DOCK2: variants seen among roughly 807,000 people sequenced by gnomAD.
DOCK2 encodes dedicator of cytokinesis protein 2.
Under a neutral mutation model 248.9 loss-of-function variants are expected in DOCK2, and 87 were observed. The ratio of observed to expected loss-of-function variants is 0.35; its 90% CI spans 0.29 to 0.42. The LOEUF is 0.42. Ranked by LOEUF, DOCK2 falls within the 10% of genes least tolerant of loss-of-function variation. DOCK2 has a pLI of 1.00. For missense variants in DOCK2, 1,747 were observed against 2,300.2 expected (o/e 0.76, Z 4.92); for synonymous variants, 805 against 821.6 (o/e 0.98, Z 0.35).
Position 169,962,184 on chromosome 5 carries a change from G to C in DOCK2, c.2800-20884G>C, listed in dbSNP as rs867678369. ...AAAAGTCTACTCTGGTTGCTCCCTG[G>C]AGGGGAGGGAGCAAGATTGGAGGCA... On this transcript the variant is annotated intron_variant, in intron 27 of 51. Coordinates refer to ENST00000520908, the MANE Select transcript of DOCK2 (RefSeq NM_004946.3). 3.3e-5 allele frequency among the ~76,000 whole-genome samples: 5 copies of C among 152,132 alleles called. No individual in the cohort carries two copies. In the Middle Eastern group the frequency reaches 0.01, roughly 310 times the overall value.
At chr5:169,876,241 T>G (rs988185899) in intron 27 of DOCK2, among the ~76,000 whole-genome samples, 3 of 152,226 alleles carry the variant, frequency 2.0e-5, no homozygotes, top group Non-Finnish European at 4.4e-5. Flanking sequence ...GTCCTTCACT[T>G]CATTTCATCT....
intron 26 of DOCK2, among the ~76,000 whole-genome samples, chr5:169,818,409 A>G (rs918794576): frequency 4.6e-5 from 7 of 152,208 alleles, no homozygotes; most frequent in African/African-American, 1.7e-4. Flanking sequence ...TAGTTGAAAG[A>G]TGATGGACTT....
chr5:169,686,154 A>G (rs1011341129), intron 8 of DOCK2, among the ~76,000 whole-genome samples: 2 of 152,192 alleles, frequency 1.3e-5, no homozygotes, highest in African/African-American at 4.8e-5. Flanking sequence ...GTTCCCTGTC[A>G]GTTACTCCCA....
intron 2 of DOCK2, among the ~76,000 whole-genome samples, chr5:169,664,142 T>C (rs1000202163): frequency 3.3e-5 from 5 of 152,246 alleles, no homozygotes; most frequent in Non-Finnish European, 5.9e-5. Context: ...ATCATCTCTC[T>C]TAAGTTCAGA....
chr5:169,699,333 C>A (rs201554698), intron 11 of DOCK2, 49 bp from the exon 12 acceptor site: 24 of 1,578,782 alleles, frequency 1.5e-5, no homozygotes, highest in Non-Finnish European at 2.1e-5. Context: ...CCCCTTGAAA[C>A]GCAAGGAGGA....
chr5:169,969,401 C>T (rs560736093), intron 27 of DOCK2, among the ~76,000 whole-genome samples: 61 of 151,982 alleles, frequency 4.0e-4, no homozygotes, highest in African/African-American at 1.1e-3. Context: ...GCCGAGATCA[C>T]GCCACTGCAC....
At chr5:169,872,005 A>G (rs1772008979) in intron 27 of DOCK2, among the ~76,000 whole-genome samples, 1 of 152,242 alleles carries the variant, frequency 6.6e-6, no homozygotes, top group Non-Finnish European at 1.5e-5. Context: ...CCTTCTCAGC[A>G]GTGGGTCCTG....
chr5:169,930,059 C>G (rs1490896335), intron 27 of DOCK2, among the ~76,000 whole-genome samples: 1 of 152,164 alleles, frequency 6.6e-6, no homozygotes, highest in Non-Finnish European at 1.5e-5. Flanking sequence ...GGCACGATCT[C>G]AGCTCACTGC....
chr5:169,722,863 C>A (rs188586979), intron 22 of DOCK2, among the ~76,000 whole-genome samples: 1 of 152,138 alleles, frequency 6.6e-6, no homozygotes, highest in African/African-American at 2.4e-5. Context: ...ACATTTCTTA[C>A]AGTTTATTTC....
At chr5:169,652,984 T>A (rs1184691427) in intron 1 of DOCK2, among the ~76,000 whole-genome samples, 1 of 152,136 alleles carries the variant, frequency 6.6e-6, no homozygotes, top group Non-Finnish European at 1.5e-5. Flanking sequence ...GAGGTGTACC[T>A]GTAGAGTAGA....
Position 169,712,145 on chromosome 5 carries a change from T to G in DOCK2, c.1581T>G (p.Phe527Leu). 1 of 1,614,142 alleles carries G rather than the reference T, an allele frequency of 6.2e-7. No homozygotes were observed. The highest frequency in any genetic ancestry group is 8.5e-7 in the Non-Finnish European group (1 of 1,179,970). Reference sequence around the variant, plus strand: ...CTAAAGATAAAGGAGAAAAGAACTTTGCCATGTCCTATGTGAAGCTGATGA... The same window carrying G: ...CTAAAGATAAAGGAGAAAAGAACTTGGCCATGTCCTATGTGAAGCTGATGA... ...LESKDKGEKN[F>L]AMSYVKLMKE... The change falls in exon 17 of 52, where the codon TTT becomes TTG. Residue 527 changes from phenylalanine to leucine, a missense_variant. Physicochemically the swap from Phe to Leu is conservative, Grantham distance 22. Transcript: ENST00000520908.
At chr5:170,074,621 C>A (rs1757782404) in intron 46 of DOCK2, among the ~76,000 whole-genome samples, 1 of 152,310 alleles carries the variant, frequency 6.6e-6, no homozygotes, top group African/African-American at 2.4e-5. Context: ...GCTCTCAGGA[C>A]CCAAATGCAG....
chr5:169,836,951 A>G (rs982139641), intron 26 of DOCK2, among the ~76,000 whole-genome samples: 10 of 152,192 alleles, frequency 6.6e-5, no homozygotes, highest in Non-Finnish European at 1.2e-4. Context: ...TAGAAACCCT[A>G]CAGGAGATCA....
At chr5:170,021,882 G>A (rs1036066390) in intron 33 of DOCK2, among the ~76,000 whole-genome samples, 2 of 152,214 alleles carry the variant, frequency 1.3e-5, no homozygotes. Flanking sequence ...CAGAACGAGA[G>A]TGAACCCCAA....
intron 41 of DOCK2, among the ~76,000 whole-genome samples, chr5:170,050,858 C>A (rs1581558091): frequency 6.6e-6 from 1 of 152,282 alleles, no homozygotes; most frequent in East Asian, 1.9e-4. Flanking sequence ...CTAATTCATT[C>A]TTATATTGAA....
intron 22 of DOCK2, among the ~76,000 whole-genome samples, chr5:169,727,110 G>A (rs1762518020): frequency 6.6e-6 from 1 of 150,692 alleles, no homozygotes; most frequent in Non-Finnish European, 1.5e-5. Flanking sequence ...AAGAAAAGGA[G>A]CCAGTCCATG....
At chr5:169,806,930 C>T (rs796438371) in intron 26 of DOCK2, among the ~76,000 whole-genome samples, 8 of 151,016 alleles carry the variant, frequency 5.3e-5, no homozygotes, top group African/African-American at 1.9e-4. Flanking sequence ...GCCCTCCTCA[C>T]CCTTCAATGC....
Position 170,082,894 on chromosome 5 carries a change from G to A in DOCK2, c.*36G>A. The stretch of plus-strand genomic sequence containing the variant: ...ACTAGGGCTGCATGGGAGAGCCAGG[G>A]AGGGGAGTTTCTGGAAGAGGAAAGC... On this transcript the variant is annotated 3_prime_UTR_variant, in exon 52 of 52. Transcript: ENST00000520908. 1 of 1,613,954 alleles carries A rather than the reference G, an allele frequency of 6.2e-7. No homozygotes were observed. Among genetic ancestry groups the A allele is most frequent in the South Asian group, 1.1e-5 (1 of 91,064 alleles).
intron 22 of DOCK2, among the ~76,000 whole-genome samples, chr5:169,727,291 G>A (rs1452148888): frequency 1.3e-5 from 2 of 152,152 alleles, no homozygotes; most frequent in African/African-American, 2.4e-5. Context: ...GTATTATGAT[G>A]TTCATTATAT....
Sources: gnomAD v4.1 joint callset for allele counts (sites outside exome capture counted in the v4.1 genomes callset) on GRCh38, gnomAD v4.1.1 for gene constraint, MANE v1.5 for transcripts, NCBI Gene and HGNC (gene_info 2026-07-23, HGNC 2026-07-21) for gene names.